Variants in GNAQ observed in about 807,000 individuals in gnomAD.
GNAQ encodes the protein guanine nucleotide-binding protein G(q) subunit alpha.
Under a neutral mutation model 43.9 loss-of-function variants are expected in GNAQ, and 8 were observed. That is an observed-to-expected ratio of 0.18 (90% CI 0.11 to 0.33). GNAQ has a LOEUF of 0.33. Among genes scored for constraint, GNAQ ranks in the 10% least tolerant of loss-of-function variants. The pLI, the probability that GNAQ is intolerant of heterozygous loss-of-function variation, is 1.00. For missense variants in GNAQ, 158 were observed against 450.8 expected, an observed-to-expected ratio of 0.35 and a Z score of 5.88; for synonymous variants, 155 against 170.7, an observed-to-expected ratio of 0.91 and a Z score of 0.71.
chr9:77,717,750 G>C lies in GNAQ; in HGVS notation c.*3573C>G. On this transcript the variant is annotated 3_prime_UTR_variant, in exon 7 of 7. Coordinates refer to ENST00000286548, the MANE Select transcript of GNAQ (RefSeq NM_002072.5). ...ATCTACCAAAAAAAAAAAAATACAA[G>C]TTTTACGTGTTCTTCAGATTCCTTT... 1 of 230,998 alleles carries C rather than the reference G, an allele frequency of 4.3e-6. No homozygotes were observed. 14.3% of individuals were successfully genotyped at this position (230,998 alleles called of 1,614,324 possible).
intron 1 of GNAQ, among the ~76,000 whole-genome samples, chr9:78,006,933 C>T (rs1402591541): frequency 6.6e-6 from 1 of 152,128 alleles, no homozygotes; most frequent in African/African-American, 2.4e-5. Context: ...TGTTAGTCCT[C>T]ATGAAAATGA....
intron 5 of GNAQ, among the ~76,000 whole-genome samples, chr9:77,764,300 G>A (rs978812952): frequency 2.0e-5 from 3 of 151,980 alleles, no homozygotes; most frequent in South Asian, 2.1e-4. Context: ...TTTCCCTAAG[G>A]TCAATGGGTA....
intron 2 of GNAQ, among the ~76,000 whole-genome samples, chr9:77,835,427 G>A (rs1254251342): frequency 6.6e-6 from 1 of 152,008 alleles, no homozygotes; most frequent in Non-Finnish European, 1.5e-5. Flanking sequence ...AGTGAGGAAA[G>A]GAAATCTAAT....
At chr9:78,026,211 T>C (rs528571550) in intron 1 of GNAQ, among the ~76,000 whole-genome samples, 1 of 152,290 alleles carries the variant, frequency 6.6e-6, no homozygotes, top group South Asian at 2.1e-4. Flanking sequence ...AGGGTTTTAA[T>C]TTGTGTCAGA....
At chr9:77,880,555 G>GTTTTTTTTTTTTTTTTT (rs55926441) in intron 2 of GNAQ, among the ~76,000 whole-genome samples, 2 of 141,484 alleles carry the variant, frequency 1.4e-5, no homozygotes, top group African/African-American at 2.6e-5. Context: ...GATTTTTTCT[G>GTTTTTTTTTTTTTTTTT]TTTTTTTTTT....
chr9:77,817,090 A>G (rs906373758), intron 2 of GNAQ, among the ~76,000 whole-genome samples: 1 of 152,192 alleles, frequency 6.6e-6, no homozygotes, highest in South Asian at 2.1e-4. Flanking sequence ...TGTGTAGGCA[A>G]TCTTCCGTGT....
intron 1 of GNAQ, among the ~76,000 whole-genome samples, chr9:77,941,764 C>T (rs369171857): frequency 6.6e-5 from 10 of 152,190 alleles, no homozygotes; most frequent in African/African-American, 1.9e-4. Flanking sequence ...TGAGAGACTA[C>T]GCAACTAGGA....
At chr9:78,008,629 T>C (rs1441210786) in intron 1 of GNAQ, among the ~76,000 whole-genome samples, 5 of 150,198 alleles carry the variant, frequency 3.3e-5, no homozygotes, top group African/African-American at 4.9e-5. Flanking sequence ...CATTTTATTT[T>C]ATTTTTTGAG....
chr9:77,960,459 C>G (rs1372484934), intron 1 of GNAQ, among the ~76,000 whole-genome samples: 2 of 152,118 alleles, frequency 1.3e-5, no homozygotes, highest in African/African-American at 4.8e-5. Flanking sequence ...TGCCCTGTTA[C>G]CCCTGGCCCT....
intron 1 of GNAQ, among the ~76,000 whole-genome samples, chr9:77,980,704 GTT>G (rs1823357775): frequency 6.6e-6 from 1 of 151,770 alleles, no homozygotes; most frequent in Non-Finnish European, 1.5e-5. Context: ...AAATTCAACA[GTT>G]CAGGAAAAAA....
At chr9:77,784,484 T>C (rs1481339415) in intron 5 of GNAQ, among the ~76,000 whole-genome samples, 1 of 152,204 alleles carries the variant, frequency 6.6e-6, no homozygotes, top group African/African-American at 2.4e-5. Context: ...TTTTTCAGTG[T>C]ATTCAGAATT....
At chr9:78,015,261 A>G (rs1823824852) in intron 1 of GNAQ, among the ~76,000 whole-genome samples, 1 of 152,234 alleles carries the variant, frequency 6.6e-6, no homozygotes, top group South Asian at 2.1e-4. Flanking sequence ...AATAGGCTTT[A>G]CCACATAGCC....
intron 2 of GNAQ, among the ~76,000 whole-genome samples, chr9:77,893,688 G>C (rs1366681310): frequency 2.0e-5 from 3 of 152,072 alleles, no homozygotes; most frequent in Non-Finnish European, 4.4e-5. Context: ...TCCCTTTCTG[G>C]TAACAATGAG....
chr9:77,757,942 CT>C (rs1469187724), intron 5 of GNAQ, among the ~76,000 whole-genome samples: 1 of 152,188 alleles, frequency 6.6e-6, no homozygotes, highest in Non-Finnish European at 1.5e-5. Flanking sequence ...ATTTTAAAGC[CT>C]GCTAAATCCA....
chr9:78,029,302 AAC>A (rs1473299432), intron 1 of GNAQ, among the ~76,000 whole-genome samples: 1 of 152,164 alleles, frequency 6.6e-6, no homozygotes, highest in African/African-American at 2.4e-5. Flanking sequence ...ATAAAAAAAA[AAC>A]ACAATTCTTA....
At chr9:77,830,477 AG>A (rs1827281858) in intron 2 of GNAQ, among the ~76,000 whole-genome samples, 1 of 152,194 alleles carries the variant, frequency 6.6e-6, no homozygotes, top group Non-Finnish European at 1.5e-5. Context: ...AGGAGTTCTA[AG>A]GAGTCGTTAC....
At position 77,764,351 on chromosome 9, in the gene GNAQ, T is replaced by C. The variant is rs569813893; in HGVS notation, c.735+30112A>G. On this transcript the variant is annotated intron_variant, in intron 5 of 6. Transcript: ENST00000286548. Reference sequence around the variant, plus strand: ...GTTTTCCTAATCTGTAATCCAAAGATCTTTCACAAGGGCAATATAATACCT... The same window carrying C: ...GTTTTCCTAATCTGTAATCCAAAGACCTTTCACAAGGGCAATATAATACCT... Among the ~76,000 whole-genome samples, 5 of 152,294 alleles carry C rather than the reference T, an allele frequency of 3.3e-5. No homozygotes were observed. In the South Asian group the frequency reaches 1.0e-3, roughly 32 times the overall value.
In GNAQ at chr9:77,815,641, A is replaced by C; in HGVS notation, c.451T>G (p.Tyr151Asp). 6.2e-7 allele frequency: 1 copy of C among 1,605,862 alleles called. No homozygotes were observed. The highest frequency in any genetic ancestry group is 8.5e-7 in the Non-Finnish European group (1 of 1,173,400). Residue 151 changes from tyrosine to aspartate, a missense_variant, in exon 3 of 7, where the codon TAT becomes GAT. Tyr to Asp is a radical substitution (Grantham distance 160). Coordinates refer to ENST00000286548, the MANE Select transcript of GNAQ (RefSeq NM_002072.5). ...TATTTGGTAGAGTCAGATAATTGAT[A>C]TTCTCGTCGTCTATCATAGCATTCC... ...IQECYDRRRE[Y>D]QLSDSTKYYL...
rs1827777924 is a variant in GNAQ at position 77,857,637 on chromosome 9, CGGAAAGGG to C, written c.322-41875_322-41868del. 4.9e-5 allele frequency among the ~76,000 whole-genome samples: 5 copies of C among 101,784 alleles called. No homozygotes were observed. The South Asian group carries it at 1.7e-3, about 34-fold the overall frequency. The allele number at this position is 101,784 out of a possible 152,430, so 66.8% of individuals were successfully genotyped here. A position where few individuals can be genotyped will look rare whatever the true frequency, so the allele number is the denominator to read the frequency against. ...GGAAGGTGGGGAAGAAAAGGAAGGACGGAAAGGGGGGAAGGAGGGAAGGAGGGGAAGGA... is the reference window on the plus strand; with the variant it reads ...GGAAGGTGGGGAAGAAAAGGAAGGACGGGAAGGAGGGAAGGAGGGGAAGGA... On this transcript the variant is annotated intron_variant, in intron 2 of 6. Transcript: ENST00000286548.
Sources: gnomAD v4.1 joint callset for allele counts (sites outside exome capture counted in the v4.1 genomes callset) on GRCh38, gnomAD v4.1.1 for gene constraint, MANE v1.5 for transcripts, NCBI Gene and HGNC (gene_info 2026-07-23, HGNC 2026-07-21) for gene names.